Variants in PTPRG observed in about 807,000 individuals in gnomAD.
PTPRG encodes receptor-type tyrosine-protein phosphatase gamma.
Under a neutral mutation model 165.3 loss-of-function variants are expected in PTPRG, and 102 were observed. The ratio of observed to expected loss-of-function variants is 0.62; its 90% confidence interval spans 0.53 to 0.73. The LOEUF is 0.73. PTPRG is among the 30% of genes least tolerant of loss of function. PTPRG has a pLI of 0.00. For missense variants in PTPRG, 1,866 were observed against 1,861.4 expected, an observed-to-expected ratio of 1.00 and a Z score of -0.05; for synonymous variants, 675 against 669.5, an observed-to-expected ratio of 1.01 and a Z score of -0.13.
intron 14 of PTPRG, among the ~76,000 whole-genome samples, chr3:62,234,945 C>G (rs896510025): frequency 6.6e-6 from 1 of 151,522 alleles, no homozygotes; most frequent in Non-Finnish European, 1.5e-5. Context: ...TTCCCCCCCC[C>G]GAGATGGTCT....
chr3:61,995,300 G>A (rs914661316), intron 3 of PTPRG, among the ~76,000 whole-genome samples: 17 of 151,872 alleles, frequency 1.1e-4, no homozygotes, highest in Admixed American at 2.0e-4. Flanking sequence ...TGTTGGCCAG[G>A]CTGGTCTCAA....
chr3:61,913,949 G>A (rs749586896), intron 2 of PTPRG, among the ~76,000 whole-genome samples: 2 of 152,096 alleles, frequency 1.3e-5, no homozygotes, highest in Non-Finnish European at 2.9e-5. Flanking sequence ...CTCAGAGATC[G>A]GTCCAAATTT....
chr3:61,773,084 C>G (rs1329764925), intron 2 of PTPRG, among the ~76,000 whole-genome samples: 1 of 152,146 alleles, frequency 6.6e-6, no homozygotes, highest in Non-Finnish European at 1.5e-5. Flanking sequence ...TAAAACAAAA[C>G]ATGCAGGTGT....
chr3:62,235,112 T>G (rs1367759227), intron 14 of PTPRG, among the ~76,000 whole-genome samples: 1 of 152,212 alleles, frequency 6.6e-6, no homozygotes, highest in Non-Finnish European at 1.5e-5. Context: ...ACATTTTAGA[T>G]TATAAATACT....
At chr3:62,243,636 C>T (rs1238812373) in intron 14 of PTPRG, 171 bp from the exon 15 acceptor site, 1 of 480,824 alleles carries the variant, frequency 2.1e-6, no homozygotes, top group South Asian at 3.9e-5. Context: ...CAATTTTGGG[C>T]CCCTCCAACA....
chr3:61,652,448 C>T (rs1001768694), intron 1 of PTPRG, among the ~76,000 whole-genome samples: 3 of 150,810 alleles, frequency 2.0e-5, no homozygotes, highest in Non-Finnish European at 2.9e-5. Context: ...ATTTCCTCTA[C>T]GGTGCAATCT....
intron 1 of PTPRG, among the ~76,000 whole-genome samples, chr3:61,729,868 C>A (rs892163109): frequency 6.6e-6 from 1 of 151,966 alleles, no homozygotes; most frequent in Non-Finnish European, 1.5e-5. Flanking sequence ...ATATTTATTG[C>A]TTTCATTATC....
intron 2 of PTPRG, among the ~76,000 whole-genome samples, chr3:61,815,564 C>T (rs972724611): frequency 1.3e-5 from 2 of 152,044 alleles, no homozygotes; most frequent in African/African-American, 2.4e-5. Flanking sequence ...TCAGAGAATA[C>T]GAGGTTATAT....
chr3:61,961,931 G>A (rs1262571078), intron 2 of PTPRG, among the ~76,000 whole-genome samples: 2 of 152,150 alleles, frequency 1.3e-5, no homozygotes, highest in East Asian at 3.8e-4. Flanking sequence ...GACACAGCTC[G>A]GGCTCTGCAC....
At chr3:61,897,152 A>G (rs1431369680) in intron 2 of PTPRG, among the ~76,000 whole-genome samples, 3 of 152,078 alleles carry the variant, frequency 2.0e-5, no homozygotes, top group Non-Finnish European at 4.4e-5. Context: ...GTCTAAGAAC[A>G]CTAAGAATGT....
At chr3:61,744,179 A>G (rs1302978997) in intron 1 of PTPRG, among the ~76,000 whole-genome samples, 2 of 152,194 alleles carry the variant, frequency 1.3e-5, no homozygotes, top group Non-Finnish European at 2.9e-5. Flanking sequence ...TACTCTATAT[A>G]TACTTTTTGA....
intron 2 of PTPRG, among the ~76,000 whole-genome samples, chr3:61,945,857 A>G (rs2039747214): frequency 6.6e-6 from 1 of 152,226 alleles, no homozygotes; most frequent in Non-Finnish European, 1.5e-5. Flanking sequence ...GCAGCAGACA[A>G]GACGGCTATT....
chr3:61,884,738 A>G lies in PTPRG; in HGVS notation c.191-104887A>G, dbSNP rs562618297. On this transcript the variant is annotated intron_variant, in intron 2 of 29. Coordinates refer to ENST00000474889, the MANE Select transcript of PTPRG (RefSeq NM_002841.4). ...AGTTGAAATTCTCTTTAAGGGCATG[A>G]AGTTTATTTACCTTTCAAGGGCCTC... is the stretch of plus-strand genomic sequence containing the variant. 3.3e-5 allele frequency among the ~76,000 whole-genome samples: 5 copies of G among 152,320 alleles called. No homozygotes were observed. In the East Asian group the frequency reaches 9.6e-4, roughly 29 times the overall value.
intron 8 of PTPRG, among the ~76,000 whole-genome samples, chr3:62,177,139 C>G (rs1238316081): frequency 2.0e-5 from 3 of 151,834 alleles, no homozygotes; most frequent in Non-Finnish European, 2.9e-5. Context: ...TTAACATTAG[C>G]TGGGCTTGGT....
At chr3:62,208,827 G>T (rs1383771145) in intron 12 of PTPRG, among the ~76,000 whole-genome samples, 1 of 152,220 alleles carries the variant, frequency 6.6e-6, no homozygotes, top group Non-Finnish European at 1.5e-5. Flanking sequence ...ATTTGTGCTA[G>T]CCCTGCCTAT....
In PTPRG at chr3:62,213,658, C is replaced by G. The variant is rs897531804; in HGVS notation, c.2156-5193C>G. Among the ~76,000 whole-genome samples the G allele has an allele frequency of 6.6e-6, 1 of 152,128 alleles. No individual in the cohort carries two copies. Among genetic ancestry groups the G allele is most frequent in the Non-Finnish European group, 1.5e-5 (1 of 68,028 alleles). ...TGCCTGAGTCTGGGGTGCAGAATTG[C>G]CCATCTTGTGGCACGCTGCAGCTGT... On this transcript the variant is annotated intron_variant, in intron 12 of 29. Transcript: ENST00000474889. This position sits in a 1 kb window ranked among gnomAD's most constrained non-coding sequence, Gnocchi z 4.4.
chr3:61,794,738 T>A (rs2107142895), intron 2 of PTPRG, among the ~76,000 whole-genome samples: 1 of 152,332 alleles, frequency 6.6e-6, no homozygotes, highest in African/African-American at 2.4e-5. Flanking sequence ...ATAATGAAGA[T>A]TTTCGTTTGA....
chr3:61,931,025 C>T (rs1384840564), intron 2 of PTPRG, among the ~76,000 whole-genome samples: 1 of 152,214 alleles, frequency 6.6e-6, no homozygotes, highest in Non-Finnish European at 1.5e-5. Flanking sequence ...CACGCCACTG[C>T]AGTCCAGCCT....
chr3:62,178,086 CATGG>C (rs1430085945), intron 8 of PTPRG, among the ~76,000 whole-genome samples: 1 of 151,086 alleles, frequency 6.6e-6, no homozygotes, highest in Non-Finnish European at 1.5e-5. Context: ...AATGTGAATC[CATGG>C]ATGGATAAGA....
Sources: gnomAD v4.1 joint callset for allele counts (sites outside exome capture counted in the v4.1 genomes callset) on GRCh38, gnomAD v4.1.1 for gene constraint, Gnocchi (gnomAD v3.1) non-coding constraint, MANE v1.5 for transcripts, NCBI Gene and HGNC (gene_info 2026-07-23, HGNC 2026-07-21) for gene names.